Variants in GIP observed in about 807,000 individuals in gnomAD.
GIP encodes glucose-dependent insulinotropic polypeptide.
In GIP, 16 loss-of-function variants were observed where a neutral mutation model predicts 18.1. The ratio of observed to expected loss-of-function variants is 0.88; its 90% CI spans 0.60 to 1.34. GIP has a LOEUF of 1.34. Among genes scored for constraint, GIP ranks in the 40% most tolerant of loss-of-function variants. The pLI is 0.00. For missense variants in GIP, 192 were observed against 183.4 expected (o/e 1.05, Z -0.27); for synonymous variants, 76 against 74.0 (o/e 1.03, Z -0.14).
At position 48,960,914 on chromosome 17, in the gene GIP, G is replaced by T; in HGVS notation, c.424C>A (p.Leu142Met). The part of the protein sequence containing the change: ...LLIQELLACL[L>M]DQTNLCRLRS... ...AGCCTGCAGAGGTTTGTCTGATCCA[G>T]CAAGCAGGCCAACAGCTCTTGAATC... Residue 142 changes from leucine (L) to methionine (M), a missense_variant, in exon 5 of 6, where the codon CTG becomes ATG. By Grantham distance (15) the Leu-to-Met change is conservative. Coordinates refer to ENST00000357424, the MANE Select transcript of GIP (RefSeq NM_004123.3). The T allele has an allele frequency of 6.2e-7, 1 of 1,606,222 alleles. No individual in the cohort carries two copies. Among genetic ancestry groups the T allele is most frequent in the Non-Finnish European group, 8.5e-7 (1 of 1,176,294 alleles).
chr17:48,960,954 C>G lies in GIP; in HGVS notation c.384G>C (p.Leu128Phe), dbSNP rs2041197493. ...GCTCTTGAATCAGCAAGTCCCGCAG[C>G]AAATCTTCATCGCTGGGGTTCTTGG... Reference protein sequence around the residue: ...SPAKNPSDEDLLRDLLIQELL... With the variant: ...SPAKNPSDEDFLRDLLIQELL... Residue 128 changes from leucine to phenylalanine, a missense_variant, in exon 5 of 6, where the codon TTG becomes TTC. Transcript: ENST00000357424. 1 of 1,609,944 alleles carries G rather than the reference C, an allele frequency of 6.2e-7. No homozygotes were observed. Among genetic ancestry groups the G allele is most frequent in the African/African-American group, 1.3e-5 (1 of 74,898 alleles).
intron 3 of GIP, among the ~76,000 whole-genome samples, chr17:48,962,622 C>T (rs2041206835): frequency 6.6e-6 from 1 of 152,006 alleles, no homozygotes; most frequent in Non-Finnish European, 1.5e-5. Context: ...CCGCCTCAGC[C>T]TCCCAAAGTG....
Position 48,964,319 on chromosome 17 carries a change from T to C in GIP, c.248A>G (p.Lys83Arg). Reference sequence around the variant, plus strand: ...GTAAGCAGCGACTCACTCATTCTTCTTCCCCTTTTGGGCCAGCAGCCAGTT... The same window carrying C: ...GTAAGCAGCGACTCACTCATTCTTCCTCCCCTTTTGGGCCAGCAGCCAGTT... The part of the protein sequence containing the change: ...FVNWLLAQKG[K>R]KNDWKHNITQ... Residue 83 changes from lysine (K) to arginine (R), a missense_variant, in exon 3 of 6, where the codon AAG becomes AGG. By Grantham distance (26) the Lys-to-Arg change is conservative (BLOSUM62 2). Coordinates refer to ENST00000357424, the MANE Select transcript of GIP (RefSeq NM_004123.3). 1 of 1,613,606 alleles carries C rather than the reference T, an allele frequency of 6.2e-7. No homozygotes were observed. The highest frequency in any genetic ancestry group is 8.5e-7 in the Non-Finnish European group (1 of 1,179,546).
Position 48,960,891 on chromosome 17 carries a change from C to T in GIP, c.447G>A (p.Arg149=). 6.3e-7 allele frequency: 1 copy of T among 1,586,958 alleles called. No homozygotes were observed. The highest frequency in any genetic ancestry group is 8.6e-7 in the Non-Finnish European group (1 of 1,162,932). ...ACLLDQTNLC[R]LRSR is the part of the protein sequence containing the mutation. ...GCAACACCACACTCCCCTACCTGAG[C>T]CTGCAGAGGTTTGTCTGATCCAGCA... Residue 149 remains arginine (R), a synonymous_variant, in exon 5 of 6, where the codon AGG becomes AGA. Coordinates refer to ENST00000357424, the MANE Select transcript of GIP (RefSeq NM_004123.3).
At chr17:48,962,299 C>T (rs1353823034) in intron 3 of GIP, among the ~76,000 whole-genome samples, 3 of 152,196 alleles carry the variant, frequency 2.0e-5, no homozygotes, top group Middle Eastern at 6.8e-3. Context: ...TGAGCTCAAA[C>T]AATCCACCTA....
At position 48,959,023 on chromosome 17, in the gene GIP, T is replaced by A. The variant is rs1464783622; in HGVS notation, c.453-307A>T. On this transcript the variant is annotated intron_variant, in intron 5 of 5. Coordinates refer to ENST00000357424, the MANE Select transcript of GIP (RefSeq NM_004123.3). ...GCGCCCGCCTCCACGCCCAGCTAAT[T>A]TTTTGTATTTTTAATAGAGACAGGG... 2.6e-5 allele frequency among the ~76,000 whole-genome samples: 4 copies of A among 151,876 alleles called. No homozygotes were observed. In the East Asian group the frequency reaches 7.7e-4, roughly 29 times the overall value.
intron 2 of GIP, among the ~76,000 whole-genome samples, chr17:48,966,448 C>T (rs1167512494): frequency 2.0e-5 from 3 of 151,162 alleles, no homozygotes; most frequent in Non-Finnish European, 2.9e-5. Context: ...CCCAGCTACT[C>T]GGTAAGCTGA....
chr17:48,961,008 GCTAA>G (rs1268861289), intron 4 of GIP, 21 bp from the exon 5 acceptor site: 6 of 1,559,028 alleles, frequency 3.8e-6, no homozygotes, highest in Non-Finnish European at 4.4e-6. Context: ...ACAGTCTCTG[GCTAA>G]CTATTTTAGC....
chr17:48,965,138 C>CAAAAAAAAAAAAAAAA lies in GIP; in HGVS notation c.87-659_87-658insTTTTTTTTTTTTTTTT, dbSNP rs33956589. On this transcript the variant is annotated intron_variant, in intron 2 of 5. Coordinates refer to ENST00000357424, the MANE Select transcript of GIP (RefSeq NM_004123.3). ...TGGGAGACAGAGCGAGACTCCGTCT[C>CAAAAAAAAAAAAAAAA]AAAAAAAAAAAAATTAGCCAGGCGT... Among the ~76,000 whole-genome samples, 135 of 109,594 alleles carry CAAAAAAAAAAAAAAAA rather than the reference C, an allele frequency of 1.2e-3. 31 individuals are homozygous for CAAAAAAAAAAAAAAAA. Among genetic ancestry groups the CAAAAAAAAAAAAAAAA allele is most frequent in the African/African-American group, 5.7e-3 (120 of 21,114 alleles). 71.9% of individuals were successfully genotyped at this position (109,594 alleles called of 152,430 possible).
At chr17:48,959,337 A>T (rs1171500128) in intron 5 of GIP, among the ~76,000 whole-genome samples, 1 of 151,902 alleles carries the variant, frequency 6.6e-6, no homozygotes, top group Non-Finnish European at 1.5e-5. Flanking sequence ...CACAATATCC[A>T]CCTTCTTACG....
chr17:48,958,900 G>A (rs2041183745), intron 5 of GIP, among the ~76,000 whole-genome samples, 184 bp from the exon 6 acceptor site: 1 of 151,236 alleles, frequency 6.6e-6, no homozygotes, highest in African/African-American at 2.4e-5. Context: ...TGTCGCCCAG[G>A]CTGGAGTGCA....
chr17:48,960,740 A>G (rs1417722955), intron 5 of GIP, 146 bp downstream of exon 5: 6 of 634,330 alleles, frequency 9.5e-6, no homozygotes, highest in African/African-American at 5.5e-5. Context: ...ATCCTGTGAA[A>G]TGATTCTATA....
At chr17:48,961,601 A>C in intron 4 of GIP, 126 bp downstream of exon 4, 6 of 642,278 alleles carry the variant, frequency 9.3e-6, no homozygotes, top group Non-Finnish European at 1.6e-5. Context: ...CCCTCTTTGA[A>C]CTCTGAGAGG....
chr17:48,967,897 C>CA (rs1320452541), intron 1 of GIP, among the ~76,000 whole-genome samples: 1 of 151,644 alleles, frequency 6.6e-6, no homozygotes, highest in Non-Finnish European at 1.5e-5. Flanking sequence ...ACATAAAAGA[C>CA]AAAGATTAGC....
chr17:48,967,702 G>A (rs1353481920), intron 1 of GIP, among the ~76,000 whole-genome samples: 1 of 151,942 alleles, frequency 6.6e-6, no homozygotes, highest in Non-Finnish European at 1.5e-5. Flanking sequence ...CATGGGGGAA[G>A]ATGAGGGGTG....
At chr17:48,965,386 C>A (rs1255730032) in intron 2 of GIP, among the ~76,000 whole-genome samples, 1 of 148,948 alleles carries the variant, frequency 6.7e-6, no homozygotes, top group South Asian at 2.1e-4. Flanking sequence ...GGGTGGATCA[C>A]AAAGTCAGGA....
chr17:48,959,826 CAGCTCGG>C (rs1567795992), intron 5 of GIP, among the ~76,000 whole-genome samples: 3 of 91,084 alleles, frequency 3.3e-5, no homozygotes, highest in African/African-American at 1.3e-4. Flanking sequence ...AGGATGGGCT[CAGCTCGG>C]TGGGTAGGGA....
chr17:48,968,025 C>A (rs1307536961), intron 1 of GIP, among the ~76,000 whole-genome samples: 1 of 151,988 alleles, frequency 6.6e-6, no homozygotes, highest in African/African-American at 2.4e-5. Context: ...GCACTCCAGC[C>A]TGGGTGACAG....
intron 2 of GIP, among the ~76,000 whole-genome samples, chr17:48,965,287 G>C (rs1471722978): frequency 7.6e-6 from 1 of 131,364 alleles, no homozygotes; most frequent in Non-Finnish European, 1.6e-5. Flanking sequence ...GGGAACAAGA[G>C]CAAAACTTCG....
Sources: gnomAD v4.1 joint callset for allele counts (sites outside exome capture counted in the v4.1 genomes callset) on GRCh38, gnomAD v4.1.1 for gene constraint, MANE v1.5 for transcripts, NCBI Gene and HGNC (gene_info 2026-07-23, HGNC 2026-07-21) for gene names.